The following RALYL variants were observed in gnomAD, a reference collection of about 807,000 sequenced individuals.
RALYL encodes the protein RALY RNA binding protein like.
Under a neutral mutation model 35.1 loss-of-function variants are expected in RALYL, and 29 were observed. The observed-to-expected ratio is 0.83, with a 90% confidence interval of 0.61 to 1.13. The LOEUF is 1.13. RALYL is among the 50% of genes most tolerant of loss of function. The pLI is 0.00. For synonymous variants in RALYL, 120 were observed against 127.6 expected (o/e 0.94, Z 0.40); for missense variants, 359 against 360.4 (o/e 1.00, Z 0.03).
intron 1 of RALYL, among the ~76,000 whole-genome samples, chr8:84,455,399 T>C (rs919098028): frequency 6.6e-6 from 1 of 152,024 alleles, no homozygotes; most frequent in African/African-American, 2.4e-5. Flanking sequence ...AAGAAACCTT[T>C]CATCAGAGCA....
chr8:84,587,326 T>G (rs1317513204), intron 2 of RALYL, among the ~76,000 whole-genome samples: 2 of 152,226 alleles, frequency 1.3e-5, no homozygotes, highest in Non-Finnish European at 2.9e-5. Flanking sequence ...TAACTTACAG[T>G]TCATTATCCC....
At chr8:84,877,560 C>T (rs1408753961) in intron 7 of RALYL, among the ~76,000 whole-genome samples, 2 of 152,016 alleles carry the variant, frequency 1.3e-5, no homozygotes, top group African/African-American at 2.4e-5. Context: ...CTATAGTATT[C>T]TCACCCCTCC....
intron 4 of RALYL, among the ~76,000 whole-genome samples, chr8:84,843,777 C>G (rs1457773572): frequency 6.6e-6 from 1 of 152,136 alleles, no homozygotes; most frequent in Non-Finnish European, 1.5e-5. Context: ...GTGATATAGA[C>G]CAATGGAACA....
chr8:84,677,902 T>G (rs376491181), intron 2 of RALYL, among the ~76,000 whole-genome samples: 2 of 152,304 alleles, frequency 1.3e-5, no homozygotes, highest in Non-Finnish European at 2.9e-5. Context: ...AATAAACTTA[T>G]GTACATCACA....
At chr8:84,275,965 TATATC>T (rs1453030071) in intron 1 of RALYL, among the ~76,000 whole-genome samples, 1 of 152,102 alleles carries the variant, frequency 6.6e-6, no homozygotes, top group Non-Finnish European at 1.5e-5. Context: ...TTAAAAAAAA[TATATC>T]ATTCATCTAA....
intron 1 of RALYL, among the ~76,000 whole-genome samples, chr8:84,192,491 T>C (rs760692750): frequency 6.6e-6 from 1 of 152,216 alleles, no homozygotes; most frequent in African/African-American, 2.4e-5. Flanking sequence ...AAACAGATGA[T>C]ATTAGCAGAT....
At chr8:84,864,239 A>G (rs1026776459) in intron 6 of RALYL, among the ~76,000 whole-genome samples, 42 of 152,088 alleles carry the variant, frequency 2.8e-4, no homozygotes, top group African/African-American at 9.9e-4. Flanking sequence ...ACAGTCTTGA[A>G]AAAAGGCTAA....
intron 8 of RALYL, among the ~76,000 whole-genome samples, chr8:84,916,627 A>T (rs1481323579): frequency 3.3e-5 from 5 of 152,056 alleles, no homozygotes; most frequent in African/African-American, 1.2e-4. Flanking sequence ...AGGCTTCCCC[A>T]GCCACGTGGA....
chr8:84,856,561 A>G (rs554828857), intron 5 of RALYL, among the ~76,000 whole-genome samples: 3 of 152,212 alleles, frequency 2.0e-5, no homozygotes, highest in Non-Finnish European at 4.4e-5. Flanking sequence ...AACAAAAAAG[A>G]TCAATGGAAT....
intron 8 of RALYL, among the ~76,000 whole-genome samples, chr8:84,906,477 A>T (rs907156821): frequency 5.3e-5 from 8 of 152,184 alleles, no homozygotes; most frequent in Admixed American, 4.6e-4. Context: ...TGCTCAAGCT[A>T]CACTGAATCT....
At chr8:84,247,635 T>G (rs1032899932) in intron 1 of RALYL, among the ~76,000 whole-genome samples, 4 of 152,112 alleles carry the variant, frequency 2.6e-5, no homozygotes, top group Non-Finnish European at 5.9e-5. Context: ...ATAAATCTGT[T>G]TGGTTTAGTT....
Position 84,315,593 on chromosome 8 carries a change from G to A in RALYL, c.-24+131169G>A, listed in dbSNP as rs893555366. On this transcript the variant is annotated intron_variant, in intron 1 of 8. Coordinates refer to ENST00000521268, the MANE Select transcript of RALYL (RefSeq NM_173848.7). ...GAACCATTCACAAATTATTAATTTC[G>A]GAAGCATCCAACATCTATCAAAATT... Among the ~76,000 whole-genome samples, 5 of 151,740 alleles carry A rather than the reference G, an allele frequency of 3.3e-5. 1 individual carries two copies. The highest frequency in any genetic ancestry group is 6.6e-5 in the Admixed American group (1 of 15,230).
intron 1 of RALYL, among the ~76,000 whole-genome samples, chr8:84,206,509 C>A (rs1318652519): frequency 1.3e-5 from 2 of 152,118 alleles, no homozygotes; most frequent in Non-Finnish European, 1.5e-5. Context: ...TGATTAAGGA[C>A]TGAATTAGTG....
At chr8:84,621,463 A>C (rs1295469105) in intron 2 of RALYL, among the ~76,000 whole-genome samples, 1 of 152,118 alleles carries the variant, frequency 6.6e-6, no homozygotes, top group South Asian at 2.1e-4. Context: ...GCTGGCGCAC[A>C]GTGCACGCAC....
chr8:84,763,890 G>A (rs1178276640), intron 2 of RALYL, among the ~76,000 whole-genome samples: 1 of 152,128 alleles, frequency 6.6e-6, no homozygotes, highest in African/African-American at 2.4e-5. Flanking sequence ...TTTTAGACTA[G>A]ACATAGATGA....
chr8:84,413,058 C>T (rs1314922606), intron 1 of RALYL, among the ~76,000 whole-genome samples: 1 of 151,158 alleles, frequency 6.6e-6, no homozygotes, highest in Non-Finnish European at 1.5e-5. Flanking sequence ...TTACTATCAT[C>T]CCTTTCTCAC....
At chr8:84,652,675 G>C (rs1588772656) in intron 2 of RALYL, among the ~76,000 whole-genome samples, 1 of 152,012 alleles carries the variant, frequency 6.6e-6, no homozygotes, top group South Asian at 2.1e-4. Context: ...TGTATAATAT[G>C]TTTAAGTCCA....
chr8:84,336,689 C>G (rs1186132460), intron 1 of RALYL, among the ~76,000 whole-genome samples: 3 of 151,940 alleles, frequency 2.0e-5, no homozygotes, highest in Non-Finnish European at 2.9e-5. Flanking sequence ...TGAGAAGTTC[C>G]AAAGAAACAA....
At chr8:84,184,995 C>T in intron 1 of RALYL, 1 of 1,613,946 alleles carries the variant, frequency 6.2e-7, no homozygotes, top group African/African-American at 1.3e-5. Flanking sequence ...TCCTCCTCTT[C>T]GCAATGAGTA....
Sources: allele counts gnomAD v4.1 joint callset (sites outside exome capture counted in the v4.1 genomes callset), GRCh38; gene constraint gnomAD v4.1.1; transcripts MANE v1.5; gene names NCBI Gene and HGNC (gene_info 2026-07-23, HGNC 2026-07-21).